The following EXOC4 variants were observed in gnomAD, a reference collection of about 807,000 sequenced individuals.
EXOC4 encodes the protein exocyst complex component 4, also known as SEC8-like 1.
Under a neutral mutation model 107.2 loss-of-function variants are expected in EXOC4, and 71 were observed. The observed-to-expected ratio is 0.66, with a 90% confidence interval of 0.55 to 0.81. The LOEUF (loss-of-function observed/expected upper bound fraction) is 0.81. Ranked by LOEUF, EXOC4 falls within the 30% of genes least tolerant of loss-of-function variation. The pLI is 0.00. For synonymous variants in EXOC4, 456 were observed against 441.2 expected (o/e 1.03, Z -0.42); for missense variants, 1,108 against 1,189.6 (o/e 0.93, Z 1.01).
At chr7:133,772,298 C>T (rs1299120766) in intron 10 of EXOC4, among the ~76,000 whole-genome samples, 1 of 152,070 alleles carries the variant, frequency 6.6e-6, no homozygotes. Context: ...AGCAGTCTAA[C>T]ACCTGGTCTT....
At chr7:133,803,291 A>G (rs746919334) in intron 10 of EXOC4, among the ~76,000 whole-genome samples, 44 of 152,226 alleles carry the variant, frequency 2.9e-4, no homozygotes, top group Admixed American at 6.5e-5. Context: ...GAATTTTTCC[A>G]TTACTTTGAA....
chr7:133,742,515 T>G (rs1473622073), intron 10 of EXOC4, among the ~76,000 whole-genome samples: 2 of 152,214 alleles, frequency 1.3e-5, no homozygotes, highest in African/African-American at 4.8e-5. Context: ...GTTATTAGTA[T>G]TCCATAAAAC....
chr7:133,458,441 A>G (rs985941824), intron 7 of EXOC4, among the ~76,000 whole-genome samples: 10 of 152,198 alleles, frequency 6.6e-5, no homozygotes, highest in African/African-American at 2.4e-4. Flanking sequence ...TCATTTGTCA[A>G]CATGTCACTC....
intron 15 of EXOC4, 141 bp from the exon 16 acceptor site, chr7:134,004,763 ATAGGGTAC>A: frequency 1.6e-6 from 1 of 619,376 alleles, no homozygotes; most frequent in Non-Finnish European, 2.7e-6. Flanking sequence ...TCTGGCACAA[ATAGGGTAC>A]ACAGTAAGTG....
intron 7 of EXOC4, among the ~76,000 whole-genome samples, chr7:133,452,232 G>A (rs1174362011): frequency 1.3e-5 from 2 of 152,078 alleles, no homozygotes; most frequent in Non-Finnish European, 2.9e-5. Flanking sequence ...GGTCCCTACA[G>A]CAGCATTATT....
chr7:134,037,916 C>T (rs1401610878), intron 17 of EXOC4, among the ~76,000 whole-genome samples: 1 of 152,210 alleles, frequency 6.6e-6, no homozygotes, highest in East Asian at 1.9e-4. Context: ...TCTTGCTACT[C>T]ACCAACTCAG....
intron 9 of EXOC4, among the ~76,000 whole-genome samples, chr7:133,551,034 G>A (rs1800578093): frequency 6.6e-6 from 1 of 152,030 alleles, no homozygotes. Flanking sequence ...CTTCCTGACA[G>A]CCTGTCCTAA....
chr7:133,563,950 A>G (rs1336824665), intron 9 of EXOC4, among the ~76,000 whole-genome samples: 19 of 152,148 alleles, frequency 1.2e-4, no homozygotes, highest in Admixed American at 1.2e-3. Context: ...TGCAGAGTGG[A>G]AGTCTTTAAA....
At chr7:133,831,170 G>A (rs1010370346) in intron 11 of EXOC4, among the ~76,000 whole-genome samples, 2 of 152,050 alleles carry the variant, frequency 1.3e-5, no homozygotes, top group Non-Finnish European at 2.9e-5. Flanking sequence ...TCACCATGTT[G>A]GTCAGGCTGG....
intron 9 of EXOC4, among the ~76,000 whole-genome samples, chr7:133,598,534 G>A (rs1050887227): frequency 1.3e-5 from 2 of 152,162 alleles, no homozygotes; most frequent in African/African-American, 4.8e-5. Context: ...ATTAAAAACT[G>A]ACACTTGATT....
chr7:133,775,047 T>C (rs941263322), intron 10 of EXOC4, among the ~76,000 whole-genome samples: 3 of 152,144 alleles, frequency 2.0e-5, no homozygotes, highest in African/African-American at 7.2e-5. Flanking sequence ...TCTGCAGATT[T>C]TAAAAAGAGT....
the EXOC4 span, among the ~76,000 whole-genome samples, chr7:134,093,077 C>T: frequency 7.2e-5 from 11 of 152,010 alleles, no homozygotes; most frequent in African/African-American, 1.9e-4. Context: ...ATCAAAACCT[C>T]GCACGTAAAT....
chr7:133,764,589 A>T (rs1796098561), intron 10 of EXOC4, among the ~76,000 whole-genome samples: 3 of 152,056 alleles, frequency 2.0e-5, no homozygotes, highest in Admixed American at 1.3e-4. Context: ...CAGAAGAGTG[A>T]ATTAATTTCC....
chr7:133,803,708 G>T (rs1797002823), intron 10 of EXOC4, among the ~76,000 whole-genome samples: 1 of 152,122 alleles, frequency 6.6e-6, no homozygotes, highest in Non-Finnish European at 1.5e-5. Context: ...GTGTACAAAT[G>T]TAATAATCTA....
chr7:133,467,116 G>A (rs992131758), intron 7 of EXOC4, among the ~76,000 whole-genome samples: 18 of 151,794 alleles, frequency 1.2e-4, no homozygotes, highest in African/African-American at 3.9e-4. Context: ...ATTTATTGTC[G>A]CCATGTGCTA....
At chr7:133,403,428 A>G (rs1349697258) in intron 7 of EXOC4, among the ~76,000 whole-genome samples, 1 of 152,164 alleles carries the variant, frequency 6.6e-6, no homozygotes, top group Non-Finnish European at 1.5e-5. Flanking sequence ...ATCATGTTTG[A>G]CCCAGAGCTG....
At chr7:133,369,102 C>T (rs1306889807) in intron 6 of EXOC4, among the ~76,000 whole-genome samples, 1 of 152,174 alleles carries the variant, frequency 6.6e-6, no homozygotes, top group East Asian at 1.9e-4. Context: ...CAGCTAAAGG[C>T]AAACAACTCT....
chr7:133,874,813 C>A (rs1798816567), intron 11 of EXOC4, among the ~76,000 whole-genome samples: 1 of 152,162 alleles, frequency 6.6e-6, no homozygotes, highest in Non-Finnish European at 1.5e-5. Flanking sequence ...GAATCATGCC[C>A]CATTGTGGGT....
intron 9 of EXOC4, among the ~76,000 whole-genome samples, chr7:133,561,230 T>C (rs1800798615): frequency 2.0e-5 from 3 of 152,198 alleles, no homozygotes; most frequent in Admixed American, 2.0e-4. Context: ...ATCTCTGTTG[T>C]GGGAAGTGGG....
Sources: allele counts gnomAD v4.1 joint callset (sites outside exome capture counted in the v4.1 genomes callset), GRCh38; gene constraint gnomAD v4.1.1; transcripts MANE v1.5; gene names NCBI Gene and HGNC (gene_info 2026-07-23, HGNC 2026-07-21).